The following P3H3 variants were observed in gnomAD, a reference collection of about 807,000 sequenced individuals.
The protein encoded by P3H3 is prolyl 3-hydroxylase 3.
A neutral mutation model predicts 78.1 loss-of-function variants in P3H3; 64 were observed. That is an observed-to-expected ratio of 0.82 (90% CI 0.67 to 1.01). The LOEUF is 1.01. P3H3 is among the 50% of genes least tolerant of loss of function. The pLI is 0.00. For synonymous variants in P3H3, 425 were observed against 416.7 expected, an observed-to-expected ratio of 1.02 and a Z score of -0.24; for missense variants, 975 against 982.2, an observed-to-expected ratio of 0.99 and a Z score of 0.10.
At chr12:6,838,948 A>G in intron 13 of P3H3, 52 bp from the exon 14 acceptor site, 1 of 1,513,038 alleles carries the variant, frequency 6.6e-7, no homozygotes, top group Non-Finnish European at 8.9e-7. Context: ...GTGAGGGCCA[A>G]GTTCTCTGAG....
At position 6,828,463 on chromosome 12, in the gene P3H3, T is replaced by C; in HGVS notation, c.23T>C (p.Leu8Pro). MLRLLRP[L>P]LLLLLLPPPG... Reference sequence around the variant, plus strand: ...ATCATGCTCCGGCTCCTCCGGCCGCTGCTGCTACTGCTGCTGCTGCCTCCC... The same window carrying C: ...ATCATGCTCCGGCTCCTCCGGCCGCCGCTGCTACTGCTGCTGCTGCCTCCC... Residue 8 changes from leucine (L) to proline (P), a missense_variant, in exon 1 of 15, where the codon CTG (leucine) becomes CCG (proline). Coordinates refer to ENST00000290510, the MANE Select transcript of P3H3 (RefSeq NM_014262.5). The C allele has an allele frequency of 1.7e-6, 2 of 1,154,948 alleles. No individual in the cohort carries two copies. The highest frequency in any genetic ancestry group is 1.5e-5 in the South Asian group (1 of 66,708). 71.5% of individuals were successfully genotyped at this position (1,154,948 alleles called of 1,614,324 possible). A position where few individuals can be genotyped will look rare whatever the true frequency, so the allele number is the denominator to read the frequency against.
Position 6,830,406 on chromosome 12 carries a change from A to G in P3H3, c.705A>G (p.Ala235=). ...ELLGRQEAGL[A]LPRLEEALQG... ...TGGGGCGCCAGGAGGCAGGACTGGC[A>G]CTGCCCAGGCTAGAGGAGGCTCTTC... Residue 235 remains alanine (A), a synonymous_variant, in exon 3 of 15, where the codon GCA becomes GCG. Coordinates refer to ENST00000290510, the MANE Select transcript of P3H3 (RefSeq NM_014262.5). 1.3e-6 allele frequency: 2 copies of G among 1,589,418 alleles called. No homozygotes were observed. Among genetic ancestry groups the G allele is most frequent in the Non-Finnish European group, 1.7e-6 (2 of 1,169,190 alleles).
rs1555120772 is a variant in P3H3 at position 6,828,507 on chromosome 12, C to T, written c.67C>T (p.Pro23Ser). Residue 23 changes from proline (P) to serine (S), a missense_variant, in exon 1 of 15, where the codon CCC becomes TCC. Pro to Ser is a moderately conservative substitution (Grantham distance 74). Coordinates refer to ENST00000290510, the MANE Select transcript of P3H3 (RefSeq NM_014262.5). ...LLPPPGSPEP[P>S]GLTQLSPGAP... ...GCCTCCCCCGGGGTCCCCTGAGCCC[C>T]CCGGCCTGACCCAGCTGTCCCCGGG... is the stretch of plus-strand genomic sequence containing the variant. 11 of 1,347,260 alleles carry T rather than the reference C, an allele frequency of 8.2e-6. No individual in the cohort carries two copies. The highest frequency in any genetic ancestry group is 3.0e-5 in the Admixed American group (1 of 32,996). 83.5% of individuals were successfully genotyped at this position (1,347,260 alleles called of 1,614,324 possible).
At chr12:6,838,146 T>G (rs1943519484) in intron 13 of P3H3, 113 bp downstream of exon 13, 1 of 1,404,092 alleles carries the variant, frequency 7.1e-7, no homozygotes, top group Middle Eastern at 2.1e-4. Context: ...CTTTTAACCC[T>G]TTCACTTCCC....
chr12:6,828,809 C>T lies in P3H3; in HGVS notation c.369C>T (p.Asp123=), dbSNP rs1198952930. 3 of 1,235,206 alleles carry T rather than the reference C, an allele frequency of 2.4e-6. No individual in the cohort carries two copies. The highest frequency in any genetic ancestry group is 3.0e-6 in the Non-Finnish European group (3 of 989,234). 76.5% of individuals were successfully genotyped at this position (1,235,206 alleles called of 1,614,324 possible). ...QLLRAALRRA[D]CLTQCAARRL... ...TCCGTGCAGCGCTCCGCCGCGCAGA[C>T]TGCCTGACCCAGTGCGCAGCACGGA... The change falls in exon 1 of 15, where the codon GAC becomes GAT. Residue 123 remains aspartate (D), a synonymous_variant. Coordinates refer to ENST00000290510, the MANE Select transcript of P3H3 (RefSeq NM_014262.5).
rs1943543199 is a variant in P3H3, at chr12:6,839,795, T to C, written c.*334T>C. On this transcript the variant is annotated 3_prime_UTR_variant, in exon 15 of 15. Transcript: ENST00000290510. ...AAGAGGATGGTGGGGTTGGGAGGTATAACCCTGCTCCTCTCTCCCAGTCTG... is the reference window on the plus strand; with the variant it reads ...AAGAGGATGGTGGGGTTGGGAGGTACAACCCTGCTCCTCTCTCCCAGTCTG... The C allele has an allele frequency of 3.3e-6, 1 of 300,646 alleles. No individual in the cohort carries two copies. Among genetic ancestry groups the C allele is most frequent in the African/African-American group, 2.1e-5 (1 of 48,006 alleles). The allele number at this position is 300,646 out of a possible 1,614,324, so 18.6% of individuals were successfully genotyped here.
In P3H3 at chr12:6,837,839, C is replaced by T. The variant is rs782784082; in HGVS notation, c.1819C>T (p.Arg607Trp). ...CWREPPAYTY[R>W]DYSGLLYLND... ...GCGGGAGCCCCCAGCCTACACCTAT[C>T]GGGACTACAGGTGGGCAGCCCCTCT... Residue 607 changes from arginine (R) to tryptophan (W), a missense_variant, in exon 12 of 15, where the codon CGG becomes TGG. Coordinates refer to ENST00000290510, the MANE Select transcript of P3H3 (RefSeq NM_014262.5). 1.2e-5 allele frequency: 20 copies of T among 1,609,866 alleles called. No homozygotes were observed. Among genetic ancestry groups the T allele is most frequent in the South Asian group, 7.8e-5 (7 of 90,300 alleles).
At position 6,837,571 on chromosome 12, in the gene P3H3, A is replaced by G; in HGVS notation, c.1709A>G (p.Glu570Gly). The G allele has an allele frequency of 6.2e-7, 1 of 1,611,888 alleles. No individual in the cohort carries two copies. Among genetic ancestry groups the G allele is most frequent in the Non-Finnish European group, 8.5e-7 (1 of 1,179,150 alleles). ...FTHLVCRSAI[E>G]GEQEQRMDLS... The stretch of plus-strand genomic sequence containing the variant: ...CACCTGGTGTGCCGCAGCGCCATAG[A>G]AGGTACGACAGGGACCCCCCACTGC... The change falls in exon 11 of 15, where the codon GAA becomes GGA. Residue 570 changes from glutamate (E) to glycine (G), a missense_variant and splice_region_variant. Coordinates refer to ENST00000290510, the MANE Select transcript of P3H3 (RefSeq NM_014262.5).
At chr12:6,836,245 A>AC (rs1943494989) in intron 9 of P3H3, among the ~76,000 whole-genome samples, 1 of 151,160 alleles carries the variant, frequency 6.6e-6, no homozygotes, top group Admixed American at 6.6e-5. Context: ...GAAAAAAAAA[A>AC]AAAACCCCAG....
intron 11 of P3H3, 53 bp downstream of exon 11, chr12:6,837,626 G>A: frequency 1.3e-6 from 2 of 1,592,386 alleles, no homozygotes; most frequent in South Asian, 1.1e-5. Flanking sequence ...CTGCCCCCAG[G>A]ACACTGCCCC....
Position 6,829,383 on chromosome 12 carries a change from C to T in P3H3, c.498+445C>T, listed in dbSNP as rs1943422242. The T allele has an allele frequency of 4.4e-6, 1 of 224,828 alleles. No individual in the cohort carries two copies. The highest frequency in any genetic ancestry group is 7.1e-5 in the South Asian group (1 of 14,012). 13.9% of individuals were successfully genotyped at this position (224,828 alleles called of 1,614,324 possible). A position where few individuals can be genotyped will look rare whatever the true frequency, so the allele number is the denominator to read the frequency against. ...AGACGGAGGCAAGGTTGGGGTCCTCCGAGGCCAGACCTCTGCGGGCGGGGA... is the reference window on the plus strand; with the variant it reads ...AGACGGAGGCAAGGTTGGGGTCCTCTGAGGCCAGACCTCTGCGGGCGGGGA... On this transcript the variant is annotated intron_variant, in intron 1 of 14. Transcript: ENST00000290510. The surrounding 1 kb of genome is among the most constrained non-coding windows in gnomAD (Gnocchi z 5.1).
Position 6,831,066 on chromosome 12 carries a change from A to T in P3H3, c.986-150A>T, listed in dbSNP as rs1555121349. The T allele has an allele frequency of 9.7e-7, 1 of 1,033,226 alleles. No homozygotes were observed. Among genetic ancestry groups the T allele is most frequent in the Non-Finnish European group, 1.5e-6 (1 of 656,228 alleles). 64.0% of individuals were successfully genotyped at this position (1,033,226 alleles called of 1,614,324 possible). On this transcript the variant is annotated intron_variant, in intron 4 of 14. Transcript: ENST00000290510. The surrounding 1 kb of genome is among the most constrained non-coding windows in gnomAD (Gnocchi z 4.6). Reference sequence around the variant, plus strand: ...TGCACCAGTGTTTGAAAGAACCGGCAGCTGAACTTGTCTGCCAGTGGGAAG... The same window carrying T: ...TGCACCAGTGTTTGAAAGAACCGGCTGCTGAACTTGTCTGCCAGTGGGAAG...
In P3H3 at chr12:6,839,511, C is replaced by A. The variant is rs1253760897; in HGVS notation, c.*50C>A. The A allele has an allele frequency of 6.5e-7, 1 of 1,534,006 alleles. No individual in the cohort carries two copies. The highest frequency in any genetic ancestry group is 8.8e-7 in the Non-Finnish European group (1 of 1,138,048). On this transcript the variant is annotated 3_prime_UTR_variant, in exon 15 of 15. Transcript: ENST00000290510. ...TGTGGCCACTTGACTTGTGGAAGGC[C>A]ATCTTGATGCCAGGACACACAGGAA... is the stretch of plus-strand genomic sequence containing the variant.
chr12:6,830,569 T>A lies in P3H3; in HGVS notation c.853+15T>A. On this transcript the variant is annotated intron_variant, in intron 3 of 14. Coordinates refer to ENST00000290510, the MANE Select transcript of P3H3 (RefSeq NM_014262.5). ...GGCCATTGCAGGTAAGGGTCCCGTG[T>A]GTGAGGGGGTGGGTCGGTGCCCAGG... is the stretch of plus-strand genomic sequence containing the variant. 6.3e-7 allele frequency: 1 copy of A among 1,576,910 alleles called. No individual in the cohort carries two copies. The highest frequency in any genetic ancestry group is 8.6e-7 in the Non-Finnish European group (1 of 1,161,306).
Position 6,837,548 on chromosome 12 carries a change from C to A in P3H3, c.1686C>A (p.His562Gln), listed in dbSNP as rs1943511639. The A allele has an allele frequency of 6.2e-7, 1 of 1,612,568 alleles. No homozygotes were observed. Among genetic ancestry groups the A allele is most frequent in the South Asian group, 1.1e-5 (1 of 90,822 alleles). Residue 562 changes from histidine to glutamine, a missense_variant, in exon 11 of 15, where the codon CAC (histidine) becomes CAA (glutamine). Physicochemically the swap from His to Gln is conservative, Grantham distance 24. Coordinates refer to ENST00000290510, the MANE Select transcript of P3H3 (RefSeq NM_014262.5). Reference protein sequence around the residue: ...PERPLHLSFTHLVCRSAIEGE... With the variant: ...PERPLHLSFTQLVCRSAIEGE... Reference sequence around the variant, plus strand: ...GGCCCCTGCATCTGTCCTTCACCCACCTGGTGTGCCGCAGCGCCATAGAAG... The same window carrying A: ...GGCCCCTGCATCTGTCCTTCACCCAACTGGTGTGCCGCAGCGCCATAGAAG...
At position 6,831,436 on chromosome 12, in the gene P3H3, G is replaced by T. The variant is rs782435007; in HGVS notation, c.1122+84G>T. ...GAAGTAACCTGGACCCCCACCCCCC[G>T]CTGGCCTCTTACCCGAGCACTCTAG... On this transcript the variant is annotated intron_variant, in intron 5 of 14. Transcript: ENST00000290510. This position sits in a 1 kb window ranked among gnomAD's most constrained non-coding sequence, Gnocchi z 4.6. 9 of 1,557,894 alleles carry T rather than the reference G, an allele frequency of 5.8e-6. No homozygotes were observed. Among genetic ancestry groups the T allele is most frequent in the Middle Eastern group, 2.3e-4 (1 of 4,378 alleles).
In P3H3 at chr12:6,829,614, T is replaced by C. The variant is rs905583371; in HGVS notation, c.499-245T>C. Reference sequence around the variant, plus strand: ...TGAGGTCCTGAAGTCCTGAGACCCATGTCCCACCCAACTCCGACGTCTTTA... The same window carrying C: ...TGAGGTCCTGAAGTCCTGAGACCCACGTCCCACCCAACTCCGACGTCTTTA... On this transcript the variant is annotated intron_variant, in intron 1 of 14. Coordinates refer to ENST00000290510, the MANE Select transcript of P3H3 (RefSeq NM_014262.5). The surrounding 1 kb of genome is among the most constrained non-coding windows in gnomAD (Gnocchi z 5.1). The C allele has an allele frequency of 1.9e-6, 1 of 528,220 alleles. No individual in the cohort carries two copies. Among genetic ancestry groups the C allele is most frequent in the Non-Finnish European group, 3.4e-6 (1 of 294,676 alleles). 32.7% of individuals were successfully genotyped at this position (528,220 alleles called of 1,614,324 possible). A position where few individuals can be genotyped will look rare whatever the true frequency, so the allele number is the denominator to read the frequency against.
In P3H3 at chr12:6,831,222, A is replaced by G. The variant is rs1555121371; in HGVS notation, c.992A>G (p.Asn331Ser). The G allele has an allele frequency of 1.9e-6, 3 of 1,613,662 alleles. No individual in the cohort carries two copies. Among genetic ancestry groups the G allele is most frequent in the East Asian group, 2.2e-5 (1 of 44,854 alleles). ...CTTGTCGCTCCCTCTCCAGTGGGCA[A>G]TCTGTCCCAGGCTATAGAAAATGTC... ...RLHEAHAQVGNLSQAIENVLS... is the reference protein window; with the variant it reads ...RLHEAHAQVGSLSQAIENVLS... Residue 331 changes from asparagine (N) to serine (S), a missense_variant, in exon 5 of 15, where the codon AAT becomes AGT. Asn to Ser is a conservative substitution (Grantham distance 46, BLOSUM62 1). Coordinates refer to ENST00000290510, the MANE Select transcript of P3H3 (RefSeq NM_014262.5). This position sits in a 1 kb window ranked among gnomAD's most constrained non-coding sequence, Gnocchi z 4.6.
At chr12:6,836,106 C>T (rs897062829) in intron 9 of P3H3, among the ~76,000 whole-genome samples, 1 of 151,952 alleles carries the variant, frequency 6.6e-6, no homozygotes, top group South Asian at 2.1e-4. Flanking sequence ...TATATGTTCC[C>T]ACCTACTTGG....
Sources: allele counts gnomAD v4.1 joint callset (sites outside exome capture counted in the v4.1 genomes callset), GRCh38; gene constraint gnomAD v4.1.1; non-coding constraint Gnocchi (gnomAD v3.1); transcripts MANE v1.5; gene names NCBI Gene and HGNC (gene_info 2026-07-23, HGNC 2026-07-21).